Variants in DLG2 observed in about 807,000 individuals in gnomAD.
The protein encoded by DLG2 is disks large homolog 2.
A neutral mutation model predicts 132.5 loss-of-function variants in DLG2; 45 were observed. That is an observed-to-expected ratio of 0.34 (90% confidence interval 0.27 to 0.44). The LOEUF is 0.44. DLG2 is among the 20% of genes least tolerant of loss of function. DLG2 has a pLI of 1.00. For synonymous variants in DLG2, 424 were observed against 419.6 expected (o/e 1.01, Z -0.13); for missense variants, 1,045 against 1,196.9 (o/e 0.87, Z 1.87).
intron 17 of DLG2, among the ~76,000 whole-genome samples, chr11:83,802,782 T>C (rs990194136): frequency 6.6e-6 from 1 of 152,106 alleles, no homozygotes; most frequent in Admixed American, 6.6e-5. Context: ...GTGTATCTAG[T>C]TTGTTTGTTT....
chr11:84,895,110 A>G (rs2090008536), intron 6 of DLG2, among the ~76,000 whole-genome samples: 1 of 152,200 alleles, frequency 6.6e-6, no homozygotes, highest in African/African-American at 2.4e-5. Context: ...GAATTATTAC[A>G]AAATTGTGTT....
At chr11:84,683,875 C>A (rs571479700) in intron 6 of DLG2, among the ~76,000 whole-genome samples, 6 of 152,258 alleles carry the variant, frequency 3.9e-5, no homozygotes, top group African/African-American at 1.4e-4. Flanking sequence ...TTCCACAGTG[C>A]AAAACATCCC....
intron 4 of DLG2, among the ~76,000 whole-genome samples, chr11:85,160,572 C>T (rs1181045323): frequency 1.3e-5 from 2 of 152,096 alleles, no homozygotes; most frequent in Admixed American, 6.5e-5. Flanking sequence ...GCTTTCTGAC[C>T]CATCTAGTCA....
At chr11:84,019,695 G>A (rs1186797041) in intron 11 of DLG2, among the ~76,000 whole-genome samples, 1 of 152,140 alleles carries the variant, frequency 6.6e-6, no homozygotes, top group Non-Finnish European at 1.5e-5. Context: ...CACAGAAACA[G>A]ACATGCATAC....
In DLG2 at chr11:85,273,089, A is replaced by G. The variant is rs548283919; in HGVS notation, c.186+12131T>C. 3.9e-3 allele frequency among the ~76,000 whole-genome samples: 596 copies of G among 152,302 alleles called. 3 individuals carry two copies. The highest frequency in any genetic ancestry group is 0.014 in the African/African-American group (565 of 41,552). Reference sequence around the variant, plus strand: ...AAACTGGATCCCTTCCTTACACTTAATACAAAAATTAATTCAAGATGGATT... The same window carrying G: ...AAACTGGATCCCTTCCTTACACTTAGTACAAAAATTAATTCAAGATGGATT... On this transcript the variant is annotated intron_variant, in intron 4 of 27. Transcript: ENST00000376104.
intron 16 of DLG2, among the ~76,000 whole-genome samples, chr11:83,865,267 T>C (rs1024883253): frequency 8.5e-5 from 13 of 152,090 alleles, no homozygotes; most frequent in African/African-American, 3.1e-4. Context: ...CAAGAATCCT[T>C]CCCTTCCCAG....
At chr11:84,282,499 A>G (rs1400339800) in intron 7 of DLG2, among the ~76,000 whole-genome samples, 1 of 152,154 alleles carries the variant, frequency 6.6e-6, no homozygotes, top group African/African-American at 2.4e-5. Flanking sequence ...AAACTCATCA[A>G]ACTGTACCTC....
chr11:83,884,737 T>A (rs2067322996), intron 15 of DLG2, among the ~76,000 whole-genome samples: 2 of 152,126 alleles, frequency 1.3e-5, no homozygotes, highest in Non-Finnish European at 2.9e-5. Flanking sequence ...CAGATACTCC[T>A]CTGAGACAAA....
intron 11 of DLG2, among the ~76,000 whole-genome samples, chr11:83,992,225 A>G (rs990770035): frequency 6.6e-6 from 1 of 152,176 alleles, no homozygotes; most frequent in African/African-American, 2.4e-5. Context: ...TATTGTTGTT[A>G]CATCAATAAA....
chr11:85,135,995 G>A (rs1045266758), intron 5 of DLG2, among the ~76,000 whole-genome samples: 1 of 152,152 alleles, frequency 6.6e-6, no homozygotes, highest in Non-Finnish European at 1.5e-5. Flanking sequence ...AGAACCATAG[G>A]AGTTAACTAG....
intron 6 of DLG2, among the ~76,000 whole-genome samples, chr11:85,006,651 T>C (rs2058686829): frequency 6.6e-6 from 1 of 152,162 alleles, no homozygotes; most frequent in Admixed American, 6.6e-5. Context: ...GGTCTATCTA[T>C]TATGTTGATC....
At chr11:85,119,388 T>C (rs570762194) in intron 5 of DLG2, among the ~76,000 whole-genome samples, 7 of 152,186 alleles carry the variant, frequency 4.6e-5, no homozygotes, top group African/African-American at 1.7e-4. Flanking sequence ...GAGTTATTAC[T>C]ATGCATAGTT....
chr11:84,195,419 C>T (rs932184195), intron 8 of DLG2, among the ~76,000 whole-genome samples: 1 of 152,210 alleles, frequency 6.6e-6, no homozygotes, highest in Non-Finnish European at 1.5e-5. Flanking sequence ...CTGCCTCAGC[C>T]TCCCAAAGTG....
intron 7 of DLG2, among the ~76,000 whole-genome samples, chr11:84,427,046 A>T (rs578261323): frequency 9.7e-4 from 148 of 152,302 alleles, no homozygotes; most frequent in African/African-American, 3.5e-3. Context: ...CTAGCCAAAG[A>T]CAGAGATATA....
chr11:85,303,537 A>C (rs1471364828), intron 3 of DLG2, among the ~76,000 whole-genome samples: 1 of 152,204 alleles, frequency 6.6e-6, no homozygotes, highest in East Asian at 1.9e-4. Context: ...ACCCAGGTTG[A>C]TATAAAAGTC....
intron 5 of DLG2, among the ~76,000 whole-genome samples, chr11:85,144,349 CTTTTTT>C (rs35874789): frequency 7.2e-6 from 1 of 138,060 alleles, no homozygotes; most frequent in Admixed American, 7.2e-5. Flanking sequence ...ATAATTGGGT[CTTTTTT>C]TTTTTTTTTT....
intron 10 of DLG2, 111 bp downstream of exon 10, chr11:84,098,812 C>A (rs1185796689): frequency 2.4e-6 from 3 of 1,273,110 alleles, no homozygotes; most frequent in African/African-American, 1.5e-5. Context: ...CCTTAAAAAT[C>A]TCTTTCAAGT....
intron 6 of DLG2, among the ~76,000 whole-genome samples, chr11:85,075,895 G>A (rs1378273562): frequency 6.6e-6 from 1 of 151,858 alleles, no homozygotes; most frequent in Non-Finnish European, 1.5e-5. Context: ...TTTAATTATT[G>A]TAAGTAGAAT....
intron 8 of DLG2, among the ~76,000 whole-genome samples, chr11:84,239,697 T>C (rs775728578): frequency 1.3e-5 from 2 of 152,230 alleles, no homozygotes; most frequent in African/African-American, 2.4e-5. Context: ...TTAGTGTTCC[T>C]ACCAGTAAAA....
Sources: allele counts gnomAD v4.1 joint callset (sites outside exome capture counted in the v4.1 genomes callset), GRCh38; gene constraint gnomAD v4.1.1; transcripts MANE v1.5; gene names NCBI Gene and HGNC (gene_info 2026-07-23, HGNC 2026-07-21).